The following SMC1B variants were observed in gnomAD, a reference collection of about 807,000 sequenced individuals.
SMC1B encodes structural maintenance of chromosomes 1B, also known as structural maintenance of chromosomes protein 1B.
A neutral mutation model predicts 157.9 loss-of-function variants in SMC1B; 60 were observed. The ratio of observed to expected loss-of-function variants is 0.38; its 90% CI spans 0.31 to 0.47. SMC1B has a LOEUF of 0.47. Among genes scored for constraint, SMC1B ranks in the 20% least tolerant of loss-of-function variants. The pLI is 0.99. For synonymous variants in SMC1B, 445 were observed against 483.0 expected (o/e 0.92, Z 1.03); for missense variants, 1,165 against 1,426.2 (o/e 0.82, Z 2.95).
At position 45,355,656 on chromosome 22, in the gene SMC1B, AG is replaced by A. The variant is rs548930352; in HGVS notation, c.2962-542del. Among the ~76,000 whole-genome samples the A allele has an allele frequency of 1.7e-3, 263 of 152,302 alleles. 5 individuals carry two copies. Among genetic ancestry groups the A allele is most frequent in the Admixed American group, 0.017 (260 of 15,278 alleles). On this transcript the variant is annotated intron_variant, in intron 19 of 24. Transcript: ENST00000357450. ...AGGGCAAGCATAGGTACTACGGGGC[AG>A]GGAGAGGGGATCCAATCCAGCTAGA...
In SMC1B at chr22:45,406,656, ACAGTTCC is replaced by A; in HGVS notation, c.412_418del (p.Gly138Ter). ...GGGTTTCTTCACTGAAATTGACTCT[ACAGTTCC>A]CTTTTAAAAACAGTAATGCACATCA... On this transcript the variant is annotated frameshift_variant and splice_region_variant, in exon 4 of 25. Coordinates refer to ENST00000357450, the MANE Select transcript of SMC1B (RefSeq NM_148674.5). LOFTEE classifies it high-confidence loss of function. The A allele has an allele frequency of 2.5e-6, 4 of 1,607,922 alleles. No homozygotes were observed. The highest frequency in any genetic ancestry group is 3.4e-6 in the Non-Finnish European group (4 of 1,178,446).
At chr22:45,368,522 T>G (rs528793949) in intron 15 of SMC1B, among the ~76,000 whole-genome samples, 2 of 151,780 alleles carry the variant, frequency 1.3e-5, no homozygotes, top group East Asian at 1.9e-4. Flanking sequence ...AAATAGTTTT[T>G]TTTTTTTTTT....
intron 1 of SMC1B, among the ~76,000 whole-genome samples, chr22:45,412,168 C>T (rs961206980): frequency 2.0e-5 from 3 of 152,024 alleles, no homozygotes; most frequent in Non-Finnish European, 4.4e-5. Context: ...GCATGAGCCA[C>T]GGCGCCCGGC....
At chr22:45,347,333 G>A (rs13057793) in intron 23 of SMC1B, among the ~76,000 whole-genome samples, 59,875 of 152,046 alleles carry the variant, frequency 0.39, 14,545 homozygotes, top group Non-Finnish European at 0.55. Flanking sequence ...TGTATCCCTG[G>A]GCCATGTTAA....
Position 45,344,463 on chromosome 22 carries a change from G to GTCCTGCTTGC in SMC1B, c.*83_*92dup, listed in dbSNP as rs2086529918. 5.7e-6 allele frequency: 5 copies of GTCCTGCTTGC among 878,720 alleles called. No individual in the cohort carries two copies. Among genetic ancestry groups the GTCCTGCTTGC allele is most frequent in the Non-Finnish European group, 5.6e-6 (3 of 534,384 alleles). The allele number at this position is 878,720 out of a possible 1,614,324, so 54.4% of individuals were successfully genotyped here. ...TTCTCTTAAAGGGTGCACCAGGCTG[G>GTCCTGCTTGC]TCCTGCTTGCTCCAGAAGTCTCCTG... On this transcript the variant is annotated 3_prime_UTR_variant, in exon 25 of 25. Coordinates refer to ENST00000357450, the MANE Select transcript of SMC1B (RefSeq NM_148674.5).
At position 45,344,162 on chromosome 22, in the gene SMC1B, A is replaced by T. The variant is rs565261240; in HGVS notation, c.*394T>A. 1.3e-5 allele frequency: 2 copies of T among 153,762 alleles called. No individual in the cohort carries two copies. The highest frequency in any genetic ancestry group is 1.3e-4 in the Admixed American group (2 of 15,338). The allele number at this position is 153,762 out of a possible 1,614,324, so 9.5% of individuals were successfully genotyped here. On this transcript the variant is annotated 3_prime_UTR_variant, in exon 25 of 25. Transcript: ENST00000357450. ...GGTTCAACAGTTTATTAACAATCTT[A>T]TAACTAGTATGTTTAAAAACCAAGA...
intron 20 of SMC1B, 33 bp downstream of exon 20, chr22:45,354,926 T>C: frequency 6.2e-7 from 1 of 1,604,808 alleles, no homozygotes; most frequent in Non-Finnish European, 8.5e-7. Context: ...CACCCATGAA[T>C]ATAATCTTGT....
intron 23 of SMC1B, among the ~76,000 whole-genome samples, chr22:45,348,278 G>A (rs773133003): frequency 6.6e-6 from 1 of 152,208 alleles, no homozygotes; most frequent in African/African-American, 2.4e-5. Flanking sequence ...TAGGGCTGGT[G>A]TGGTGGCTGA....
intron 19 of SMC1B, among the ~76,000 whole-genome samples, chr22:45,357,255 C>T (rs1437903907): frequency 6.6e-6 from 1 of 152,218 alleles, no homozygotes; most frequent in East Asian, 1.9e-4. Flanking sequence ...ACTCATGTGG[C>T]ATTCAGGAGA....
chr22:45,389,916 A>G lies in SMC1B; in HGVS notation c.1546-19T>C. 6.3e-7 allele frequency: 1 copy of G among 1,597,902 alleles called. No homozygotes were observed. Among genetic ancestry groups the G allele is most frequent in the Non-Finnish European group, 8.6e-7 (1 of 1,169,582 alleles). ...TTCCAAACTTAGCAGGTTTCAAAAAAGGAGAGAAAAACAGATATATTAGAG... is the reference window on the plus strand; with the variant it reads ...TTCCAAACTTAGCAGGTTTCAAAAAGGGAGAGAAAAACAGATATATTAGAG... On this transcript the variant is annotated intron_variant, in intron 9 of 24. Transcript: ENST00000357450.
chr22:45,363,070 T>G, intron 15 of SMC1B, 44 bp from the exon 16 acceptor site: 4 of 1,371,570 alleles, frequency 2.9e-6, no homozygotes, highest in Non-Finnish European at 3.0e-6. Context: ...ACAGAAAACT[T>G]TGATTCCTTC....
intron 14 of SMC1B, 55 bp from the exon 15 acceptor site, chr22:45,370,115 A>T: frequency 1.0e-6 from 1 of 1,003,986 alleles, no homozygotes; most frequent in Non-Finnish European, 1.4e-6. Context: ...GAAATATATA[A>T]TCTTAAATAT....
At chr22:45,409,952 G>A (rs2087312153) in intron 1 of SMC1B, among the ~76,000 whole-genome samples, 1 of 152,202 alleles carries the variant, frequency 6.6e-6, no homozygotes, top group East Asian at 1.9e-4. Context: ...GTACATGATA[G>A]GCAAACGGTG....
At chr22:45,377,704 TG>T (rs1240627892) in intron 12 of SMC1B, among the ~76,000 whole-genome samples, 1 of 152,138 alleles carries the variant, frequency 6.6e-6, no homozygotes, top group Non-Finnish European at 1.5e-5. Context: ...CTTTTATTTT[TG>T]TTTATTTTTA....
intron 5 of SMC1B, among the ~76,000 whole-genome samples, chr22:45,401,440 T>C (rs887638941): frequency 2.0e-5 from 3 of 152,244 alleles, no homozygotes. Context: ...ATGTTCAACA[T>C]GAAGGCTCCA....
chr22:45,369,166 G>A, intron 15 of SMC1B, among the ~76,000 whole-genome samples: 1 of 151,362 alleles, frequency 6.6e-6, no homozygotes, highest in East Asian at 1.9e-4. Context: ...GCACGATCTC[G>A]GCTCACTGCA....
At chr22:45,375,918 T>C (rs1160927953) in intron 12 of SMC1B, among the ~76,000 whole-genome samples, 1 of 152,198 alleles carries the variant, frequency 6.6e-6, no homozygotes, top group East Asian at 1.9e-4. Context: ...ATATTAAAGT[T>C]ATACTACCTT....
Position 45,402,368 on chromosome 22 carries a change from T to C in SMC1B, c.819A>G (p.Leu273=). The C allele has an allele frequency of 6.2e-7, 1 of 1,613,536 alleles. No individual in the cohort carries two copies. The highest frequency in any genetic ancestry group is 8.5e-7 in the Non-Finnish European group (1 of 1,179,760). Reference sequence around the variant, plus strand: ...TTTCTGTTTGTTGTAGTTGTCTAGTTAGCATTCCATGTTCCTTTTTCCTGG... The same window carrying C: ...TTTCTGTTTGTTGTAGTTGTCTAGTCAGCATTCCATGTTCCTTTTTCCTGG... The part of the protein sequence containing the change: ...VKARKKEHGM[L]TRQLQQTEKE... Residue 273 remains leucine, a synonymous_variant, in exon 5 of 25, where the codon CTA becomes CTG. Coordinates refer to ENST00000357450, the MANE Select transcript of SMC1B (RefSeq NM_148674.5).
At position 45,370,067 on chromosome 22, in the gene SMC1B, AATTATT is replaced by A. The variant is rs770646911; in HGVS notation, c.2314-13_2314-8del. The A allele has an allele frequency of 7.1e-7, 1 of 1,411,414 alleles. No individual in the cohort carries two copies. Among genetic ancestry groups the A allele is most frequent in the South Asian group, 1.4e-5 (1 of 74,024 alleles). 87.4% of individuals were successfully genotyped at this position (1,411,414 alleles called of 1,614,324 possible). ...GGAAGATATCGTCTTCTACCTTTTA[AATTATT>A]TTAAAACAATTGATTTAATAAGCAA... On this transcript the variant is annotated splice_polypyrimidine_tract_variant and splice_region_variant and intron_variant, in intron 14 of 24. Coordinates refer to ENST00000357450, the MANE Select transcript of SMC1B (RefSeq NM_148674.5).
Sources: gnomAD v4.1 joint callset for allele counts (sites outside exome capture counted in the v4.1 genomes callset) on GRCh38, gnomAD v4.1.1 for gene constraint, MANE v1.5 for transcripts, NCBI Gene and HGNC (gene_info 2026-07-23, HGNC 2026-07-21) for gene names.